The following ASXL2 variants were observed in gnomAD, a reference collection of about 807,000 sequenced individuals.
The protein encoded by ASXL2 is putative Polycomb group protein ASXL2.
A neutral mutation model predicts 122.0 loss-of-function variants in ASXL2; 23 were observed. That is an observed-to-expected ratio of 0.19 (90% CI 0.14 to 0.27). ASXL2 has a LOEUF of 0.27. Ranked by LOEUF, ASXL2 falls within the 10% of genes least tolerant of loss-of-function variation. The pLI is 1.00. For synonymous variants in ASXL2, 650 were observed against 637.0 expected, an observed-to-expected ratio of 1.02 and a Z score of -0.31; for missense variants, 1,518 against 1,713.8, an observed-to-expected ratio of 0.89 and a Z score of 2.02.
In ASXL2 at chr2:25,743,969, T is replaced by G. The variant is rs749134751; in HGVS notation, c.2368A>C (p.Thr790Pro). 1.2e-6 allele frequency: 2 copies of G among 1,613,998 alleles called. No individual in the cohort carries two copies. The highest frequency in any genetic ancestry group is 1.7e-6 in the Non-Finnish European group (2 of 1,179,874). The change falls in exon 13 of 13, where the codon ACA (threonine) becomes CCA (proline). Residue 790 changes from threonine to proline, a missense_variant. Coordinates refer to ENST00000435504, the MANE Select transcript of ASXL2 (RefSeq NM_018263.6). ...PPTPAVSGAC[T>P]SVPSPAHIEK... is the part of the protein sequence containing the mutation. ...ATGTGGGCTGGTGATGGGACACTTG[T>G]GCATGCTCCACTGACGGCAGGTGTT...
At chr2:25,788,621 T>C (rs1018152346) in intron 5 of ASXL2, among the ~76,000 whole-genome samples, 2 of 152,204 alleles carry the variant, frequency 1.3e-5, no homozygotes, top group African/African-American at 4.8e-5. Context: ...TCAGTCTTTT[T>C]AATTTTGGAC....
At chr2:25,762,877 A>C (rs1447465052) in intron 8 of ASXL2, among the ~76,000 whole-genome samples, 1 of 152,144 alleles carries the variant, frequency 6.6e-6, no homozygotes, top group Non-Finnish European at 1.5e-5. Context: ...TATGTAAAGC[A>C]CAAGGACACA....
chr2:25,837,953 C>T (rs1038826504), intron 2 of ASXL2, among the ~76,000 whole-genome samples: 1 of 65,368 alleles, frequency 1.5e-5, no homozygotes, highest in Non-Finnish European at 3.4e-5. Flanking sequence ...CCTGTCTCTA[C>T]AAAAAAAAAA....
intron 3 of ASXL2, among the ~76,000 whole-genome samples, chr2:25,821,017 T>G (rs1422370923): frequency 6.6e-6 from 1 of 151,778 alleles, no homozygotes; most frequent in Non-Finnish European, 1.5e-5. Flanking sequence ...CCGTCTCTAC[T>G]AAAAACACAA....
intron 5 of ASXL2, among the ~76,000 whole-genome samples, chr2:25,780,571 C>G (rs1293801532): frequency 6.6e-6 from 1 of 152,190 alleles, no homozygotes; most frequent in Non-Finnish European, 1.5e-5. Context: ...ATCAGATACT[C>G]TGAAGTGAGG....
chr2:25,794,912 A>ATG (rs1491238530), intron 5 of ASXL2, among the ~76,000 whole-genome samples: 1 of 152,204 alleles, frequency 6.6e-6, no homozygotes, highest in Non-Finnish European at 1.5e-5. Context: ...TGCTGGCTAC[A>ATG]TGTCTGTCAC....
At position 25,872,882 on chromosome 2, in the gene ASXL2, A is replaced by AT. The variant is rs796746391; in HGVS notation, c.57+5283dup. ...TTAGCCCAGACGGTTTCTCAGGAGA[A>AT]TTTTTTTTTTCCCAGAAGTCTCTAT... On this transcript the variant is annotated intron_variant, in intron 1 of 12. Coordinates refer to ENST00000435504, the MANE Select transcript of ASXL2 (RefSeq NM_018263.6). Among the ~76,000 whole-genome samples, 35 of 150,246 alleles carry AT rather than the reference A, an allele frequency of 2.3e-4. No homozygotes were observed. The South Asian group carries it at 4.4e-3, about 19-fold the overall frequency.
intron 5 of ASXL2, among the ~76,000 whole-genome samples, chr2:25,772,847 T>C (rs2088479457): frequency 6.6e-6 from 1 of 151,930 alleles, no homozygotes; most frequent in South Asian, 2.1e-4. Context: ...AGTATTTCAA[T>C]TTACTTAGAT....
chr2:25,794,974 AC>A (rs1010151227), intron 5 of ASXL2, among the ~76,000 whole-genome samples: 59 of 152,320 alleles, frequency 3.9e-4, no homozygotes, highest in African/African-American at 1.3e-3. Context: ...ATATATACCT[AC>A]AAATTATATG....
At chr2:25,869,113 C>T (rs2089938228) in intron 1 of ASXL2, among the ~76,000 whole-genome samples, 1 of 150,624 alleles carries the variant, frequency 6.6e-6, no homozygotes, top group South Asian at 2.1e-4. Context: ...TGCAGTAAGC[C>T]GAGATCACGC....
intron 1 of ASXL2, among the ~76,000 whole-genome samples, chr2:25,872,600 AAAG>A (rs2089970378): frequency 6.6e-6 from 1 of 152,170 alleles, no homozygotes; most frequent in Admixed American, 6.5e-5. Context: ...CAAAATTAAT[AAAG>A]AAGATAGTAA....
Position 25,771,556 on chromosome 2 carries a change from T to C in ASXL2, c.404-16A>G, listed in dbSNP as rs771612893. The C allele has an allele frequency of 3.1e-6, 5 of 1,597,264 alleles. No individual in the cohort carries two copies. Among genetic ancestry groups the C allele is most frequent in the Non-Finnish European group, 4.3e-6 (5 of 1,167,638 alleles). On this transcript the variant is annotated splice_polypyrimidine_tract_variant and intron_variant, in intron 5 of 12. Coordinates refer to ENST00000435504, the MANE Select transcript of ASXL2 (RefSeq NM_018263.6). Reference sequence around the variant, plus strand: ...GACGACGATACTAGGGAAAAAAAAGTGACAATAAAAGATTTTTGTTAACAG... The same window carrying C: ...GACGACGATACTAGGGAAAAAAAAGCGACAATAAAAGATTTTTGTTAACAG...
Position 25,845,547 on chromosome 2 carries a change from G to C in ASXL2, c.74C>G (p.Pro25Arg), listed in dbSNP as rs753446099. The C allele has an allele frequency of 1.4e-6, 2 of 1,436,336 alleles. No homozygotes were observed. Among genetic ancestry groups the C allele is most frequent in the South Asian group, 3.3e-5 (2 of 60,450 alleles). The allele number at this position is 1,436,336 out of a possible 1,614,324, so 89.0% of individuals were successfully genotyped here. Residue 25 changes from proline to arginine, a missense_variant, in exon 2 of 13, where the codon CCC (proline) becomes CGC (arginine). Physicochemically the swap from Pro to Arg is moderately radical, Grantham distance 103. Around this residue, in one of 8 missense-constraint regions of ASXL2, gnomAD observed 28 missense variants for 42.2 expected, o/e 0.66. Transcript: ENST00000435504. ...EAAKTVLEKY[P>R]NTPMSHKEIL... ...TTCTTTATGACTCATGGGTGTATTGGGGTATTTTTCTAAGACCTGAAAAAC... is the reference window on the plus strand; with the variant it reads ...TTCTTTATGACTCATGGGTGTATTGCGGTATTTTTCTAAGACCTGAAAAAC...
At chr2:25,866,986 C>T (rs1013725394) in intron 1 of ASXL2, among the ~76,000 whole-genome samples, 4 of 152,076 alleles carry the variant, frequency 2.6e-5, no homozygotes, top group Non-Finnish European at 5.9e-5. Flanking sequence ...CCACAACCTC[C>T]GCCTCCCAGG....
Position 25,817,016 on chromosome 2 carries a change from T to C in ASXL2, c.144-10679A>G, listed in dbSNP as rs551077441. Among the ~76,000 whole-genome samples, 4 of 152,118 alleles carry C rather than the reference T, an allele frequency of 2.6e-5. No individual in the cohort carries two copies. The South Asian group carries it at 8.3e-4, about 31-fold the overall frequency. On this transcript the variant is annotated intron_variant, in intron 3 of 12. Coordinates refer to ENST00000435504, the MANE Select transcript of ASXL2 (RefSeq NM_018263.6). Reference sequence around the variant, plus strand: ...GGTAGGCATCTGTAATCCCAGCTATTTGGGAGGCTAAGGCATGAGAATTGC... The same window carrying C: ...GGTAGGCATCTGTAATCCCAGCTATCTGGGAGGCTAAGGCATGAGAATTGC...
At chr2:25,840,078 G>A (rs1318471957) in intron 2 of ASXL2, among the ~76,000 whole-genome samples, 1 of 151,332 alleles carries the variant, frequency 6.6e-6, no homozygotes, top group Non-Finnish European at 1.5e-5. Flanking sequence ...ACAACATAAT[G>A]GAATACAAAA....
intron 3 of ASXL2, among the ~76,000 whole-genome samples, chr2:25,807,986 T>TACACACACAC (rs147273836): frequency 0.11 from 13,906 of 131,436 alleles, 835 homozygotes; most frequent in Middle Eastern, 0.18. Context: ...AATCAGCTTT[T>TACACACACAC]ACACACACAC....
chr2:25,852,363 C>T (rs1022011591), intron 1 of ASXL2, among the ~76,000 whole-genome samples: 15 of 152,196 alleles, frequency 9.9e-5, no homozygotes, highest in African/African-American at 3.6e-4. Flanking sequence ...TGAGTTGCCT[C>T]TAAGATTCAA....
chr2:25,774,829 T>A (rs1422957905), intron 5 of ASXL2, among the ~76,000 whole-genome samples: 1 of 152,244 alleles, frequency 6.6e-6, no homozygotes, highest in Admixed American at 6.5e-5. Context: ...ATAAGTTTTC[T>A]ACATCCTTGC....
Sources: gnomAD v4.1 joint callset for allele counts (sites outside exome capture counted in the v4.1 genomes callset) on GRCh38, gnomAD v4.1.1 for gene constraint, gnomAD v4.1.1 regional missense constraint, MANE v1.5 for transcripts, NCBI Gene and HGNC (gene_info 2026-07-23, HGNC 2026-07-21) for gene names.